NEMF: variants seen among roughly 807,000 people sequenced by gnomAD.
NEMF encodes nuclear export mediator factor.
NEMF carries 89 observed loss-of-function variants against 162.2 expected under a neutral mutation model. The ratio of observed to expected loss-of-function variants is 0.55; its 90% CI spans 0.46 to 0.65. The LOEUF (loss-of-function observed/expected upper bound fraction) is 0.65. Ranked by LOEUF, NEMF falls within the 30% of genes least tolerant of loss-of-function variation. The pLI is 0.00. For synonymous variants in NEMF, 421 were observed against 404.5 expected (o/e 1.04, Z -0.49); for missense variants, 1,133 against 1,261.9 (o/e 0.90, Z 1.55).
intron 23 of NEMF, 56 bp downstream of exon 23, chr14:49,800,364 C>A: frequency 2.0e-6 from 2 of 1,011,738 alleles, no homozygotes; most frequent in East Asian, 2.7e-5. Flanking sequence ...GTAAGGATTA[C>A]CTCATCATCA....
intron 18 of NEMF, among the ~76,000 whole-genome samples, chr14:49,807,776 A>T (rs367990307): frequency 6.8e-4 from 103 of 150,920 alleles, no homozygotes; most frequent in Middle Eastern, 3.4e-3. Flanking sequence ...ATATATATAT[A>T]TTTTTTTACT....
In NEMF at chr14:49,789,192, G is replaced by A; in HGVS notation, c.2849C>T (p.Thr950Ile). Residue 950 changes from threonine (T) to isoleucine (I), a missense_variant, in exon 28 of 33, where the codon ACT (threonine) becomes ATT (isoleucine). Coordinates refer to ENST00000298310, the MANE Select transcript of NEMF (RefSeq NM_004713.6). ...KKETPFLEVI[T>I]HELQDFAVDD... ...TACAGCAAAGTCTTGTAACTCATGA[G>A]TTATAACCTCAAGGAACGGAGTTTC... 6.2e-7 allele frequency: 1 copy of A among 1,614,134 alleles called. No individual in the cohort carries two copies. The highest frequency in any genetic ancestry group is 1.1e-5 in the South Asian group (1 of 91,052).
intron 4 of NEMF, among the ~76,000 whole-genome samples, chr14:49,845,153 C>A (rs1893435182): frequency 2.0e-5 from 3 of 151,370 alleles, no homozygotes; most frequent in Non-Finnish European, 2.9e-5. Flanking sequence ...AGCACAGTGA[C>A]ACAATCTGAG....
intron 5 of NEMF, among the ~76,000 whole-genome samples, chr14:49,840,428 C>A (rs559762371): frequency 1.3e-5 from 2 of 150,446 alleles, no homozygotes; most frequent in East Asian, 3.9e-4. Context: ...TGCCACTGCA[C>A]TCCAGCCTGA....
intron 15 of NEMF, among the ~76,000 whole-genome samples, chr14:49,827,936 G>A (rs1316701987): frequency 6.6e-6 from 1 of 152,160 alleles, no homozygotes; most frequent in Non-Finnish European, 1.5e-5. Context: ...AGAGGTGATA[G>A]GGGACTGATC....
intron 18 of NEMF, 66 bp downstream of exon 18, chr14:49,813,922 T>G: frequency 1.0e-6 from 1 of 982,198 alleles, no homozygotes; most frequent in Non-Finnish European, 1.6e-6. Context: ...AATTTTTGTC[T>G]TACAGTCACA....
At chr14:49,827,274 C>A (rs888923914) in intron 15 of NEMF, among the ~76,000 whole-genome samples, 1 of 152,158 alleles carries the variant, frequency 6.6e-6, no homozygotes, top group African/African-American at 2.4e-5. Flanking sequence ...GCAACCTCCA[C>A]CTCCCGGGTT....
chr14:49,833,551 C>A, intron 7 of NEMF, 55 bp from the exon 8 acceptor site: 2 of 1,160,956 alleles, frequency 1.7e-6, no homozygotes, highest in South Asian at 3.0e-5. Flanking sequence ...GTCAATTAAC[C>A]GTGGCTAAAC....
chr14:49,782,910 G>A lies in NEMF; in HGVS notation c.*1726C>T, dbSNP rs1566639739. On this transcript the variant is annotated 3_prime_UTR_variant, in exon 33 of 33. Transcript: ENST00000298310. The stretch of plus-strand genomic sequence containing the variant: ...TGCCTTCCAAAACACTTACTTCACA[G>A]TGTTAATCAGAGGTTTGGTAGTAAC... 6.2e-7 allele frequency: 1 copy of A among 1,613,646 alleles called. No individual in the cohort carries two copies. Among genetic ancestry groups the A allele is most frequent in the Non-Finnish European group, 8.5e-7 (1 of 1,179,798 alleles).
chr14:49,822,126 G>C (rs1892095975), intron 16 of NEMF, among the ~76,000 whole-genome samples: 1 of 151,910 alleles, frequency 6.6e-6, no homozygotes, highest in Admixed American at 6.6e-5. Context: ...CTCGTTGAGA[G>C]TCATCACCAC....
rs768175546 is a variant in NEMF at position 49,784,614 on chromosome 14, A to G, written c.*22T>C. The G allele has an allele frequency of 6.4e-7, 1 of 1,570,990 alleles. No individual in the cohort carries two copies. The highest frequency in any genetic ancestry group is 1.4e-5 in the African/African-American group (1 of 73,904). On this transcript the variant is annotated 3_prime_UTR_variant, in exon 33 of 33. Transcript: ENST00000298310. ...AGGCTATAAAATTGGCTCTTCTCAA[A>G]TATTTTAGAATTTCATTTCAGCTAT...
intron 18 of NEMF, among the ~76,000 whole-genome samples, chr14:49,807,604 T>C (rs1891279273): frequency 6.6e-6 from 1 of 151,318 alleles, no homozygotes; most frequent in Non-Finnish European, 1.5e-5. Context: ...TTTTTTTTTT[T>C]TTTTTTTTTG....
intron 19 of NEMF, among the ~76,000 whole-genome samples, chr14:49,805,590 A>C (rs753928346): frequency 2.0e-5 from 3 of 152,158 alleles, no homozygotes; most frequent in South Asian, 2.1e-4. Context: ...AAAAAAAAAA[A>C]CAAACAGGAT....
intron 16 of NEMF, among the ~76,000 whole-genome samples, 163 bp downstream of exon 16, chr14:49,825,704 C>T (rs1892304659): frequency 6.6e-6 from 1 of 152,174 alleles, no homozygotes. Context: ...CCACTGTATT[C>T]CACCCTGGGT....
intron 12 of NEMF, 32 bp downstream of exon 12, chr14:49,829,317 T>C (rs1181197651): frequency 1.2e-6 from 2 of 1,613,580 alleles, no homozygotes; most frequent in South Asian, 1.1e-5. Context: ...TTAACATTTT[T>C]GAAAAAGCAC....
chr14:49,804,810 C>A (rs987725534), intron 19 of NEMF, among the ~76,000 whole-genome samples: 1 of 152,092 alleles, frequency 6.6e-6, no homozygotes, highest in African/African-American at 2.4e-5. Context: ...GCAGGAGGAT[C>A]ACTTGAGGCC....
At position 49,820,871 on chromosome 14, in the gene NEMF, C is replaced by T. The variant is rs560223296; in HGVS notation, c.1577+4996G>A. Among the ~76,000 whole-genome samples, 11 of 152,198 alleles carry T rather than the reference C, an allele frequency of 7.2e-5. No individual in the cohort carries two copies. In the East Asian group the frequency reaches 1.4e-3, roughly 19 times the overall value. ...CTAACCACGAGTGATCCGCCAGCCT[C>T]GGCATCCCAAGGTGCCGGGATTGCA... On this transcript the variant is annotated intron_variant, in intron 16 of 32. Coordinates refer to ENST00000298310, the MANE Select transcript of NEMF (RefSeq NM_004713.6).
At chr14:49,786,562 C>T (rs1242069711) in intron 29 of NEMF, among the ~76,000 whole-genome samples, 156 bp downstream of exon 29, 1 of 152,140 alleles carries the variant, frequency 6.6e-6, no homozygotes, top group Non-Finnish European at 1.5e-5. Flanking sequence ...TGTACAGTTA[C>T]ATATAGCAGA....
intron 5 of NEMF, among the ~76,000 whole-genome samples, chr14:49,839,989 T>C (rs1361425348): frequency 6.6e-6 from 1 of 152,028 alleles, no homozygotes; most frequent in African/African-American, 2.4e-5. Context: ...CAAGACCCCA[T>C]GTCTACAAAA....
Sources: allele counts gnomAD v4.1 joint callset (sites outside exome capture counted in the v4.1 genomes callset), GRCh38; gene constraint gnomAD v4.1.1; transcripts MANE v1.5; gene names NCBI Gene and HGNC (gene_info 2026-07-23, HGNC 2026-07-21).